Variants in CACNA1C observed in about 807,000 individuals in gnomAD.
The protein encoded by CACNA1C is calcium voltage-gated channel subunit alpha1 C, also known as voltage-dependent L-type calcium channel subunit alpha-1C.
In CACNA1C, 30 loss-of-function variants were observed where a neutral mutation model predicts 229.0. The observed-to-expected ratio is 0.13, with a 90% CI of 0.10 to 0.18. CACNA1C has a LOEUF of 0.18. CACNA1C is among the 10% of genes least tolerant of loss of function. The probability of loss-of-function intolerance (pLI) is 1.00; values close to 1 mark genes in which losing one functional copy is unlikely to be tolerated. For synonymous variants in CACNA1C, 1,114 were observed against 1,132.5 expected, an observed-to-expected ratio of 0.98 and a Z score of 0.33; for missense variants, 1,658 against 2,845.0, an observed-to-expected ratio of 0.58 and a Z score of 9.49.
intron 3 of CACNA1C, among the ~76,000 whole-genome samples, chr12:2,148,398 A>G (rs951256676): frequency 6.6e-5 from 10 of 151,380 alleles, no homozygotes; most frequent in African/African-American, 2.4e-4. Flanking sequence ...TGCTGCTCAC[A>G]TTTGTATATT....
intron 3 of CACNA1C, among the ~76,000 whole-genome samples, chr12:2,195,677 GAAA>G (rs893678091): frequency 1.3e-5 from 2 of 152,182 alleles, no homozygotes; most frequent in Non-Finnish European, 2.9e-5. Flanking sequence ...ACAGAATAGG[GAAA>G]TAATTTTAGA....
At chr12:2,470,961 A>G (rs1319330825) in intron 5 of CACNA1C, among the ~76,000 whole-genome samples, 1 of 151,946 alleles carries the variant, frequency 6.6e-6, no homozygotes, top group Non-Finnish European at 1.5e-5. Flanking sequence ...TCTTCCAAGT[A>G]GCTGGGATTA....
At chr12:2,395,699 T>C (rs1378432982) in intron 3 of CACNA1C, among the ~76,000 whole-genome samples, 1 of 152,146 alleles carries the variant, frequency 6.6e-6, no homozygotes, top group Non-Finnish European at 1.5e-5. Context: ...CTTTTTCCAG[T>C]CTGAGGCTTC....
At chr12:2,615,155 A>T (rs1050579234) in intron 29 of CACNA1C, among the ~76,000 whole-genome samples, 1 of 152,218 alleles carries the variant, frequency 6.6e-6, no homozygotes, top group Non-Finnish European at 1.5e-5. Flanking sequence ...TAGAAGTGAG[A>T]GGCCATGACC....
At chr12:2,091,684 C>T (rs1267939417) in intron 1 of CACNA1C, among the ~76,000 whole-genome samples, 1 of 152,216 alleles carries the variant, frequency 6.6e-6, no homozygotes. Flanking sequence ...GTAACTTATT[C>T]ACAAGTACCA....
chr12:2,558,239 C>T (rs765091051), intron 11 of CACNA1C, among the ~76,000 whole-genome samples: 2 of 152,194 alleles, frequency 1.3e-5, no homozygotes, highest in Admixed American at 6.5e-5. Flanking sequence ...CTAGAAGCCA[C>T]GCGAGCCCTC....
At chr12:2,445,681 C>T (rs1003103331) in intron 3 of CACNA1C, among the ~76,000 whole-genome samples, 6 of 152,152 alleles carry the variant, frequency 3.9e-5, no homozygotes, top group African/African-American at 1.4e-4. Flanking sequence ...TCACCACACC[C>T]CGCGACCCAT....
intron 3 of CACNA1C, among the ~76,000 whole-genome samples, chr12:2,350,191 C>T (rs117130573): frequency 0.01 from 1,591 of 152,306 alleles, 14 homozygotes; most frequent in Admixed American, 0.018. Context: ...AGAGACCCCA[C>T]CTCACCTCCA....
rs569800834 is a variant in CACNA1C, at chr12:2,529,373, T to G, written c.1390+16389T>G. 8.5e-5 allele frequency among the ~76,000 whole-genome samples: 13 copies of G among 152,374 alleles called. No homozygotes were observed. In the South Asian group the frequency reaches 2.7e-3, roughly 32 times the overall value. On this transcript the variant is annotated intron_variant, in intron 9 of 46. Transcript: ENST00000399655. ...CCCTGTCTGCTGTATTCATTGCATT[T>G]TATCTGTGGCATTCATCTATCTGAT...
chr12:2,661,560 C>T (rs990347237), intron 34 of CACNA1C, among the ~76,000 whole-genome samples: 1 of 152,022 alleles, frequency 6.6e-6, no homozygotes, highest in Non-Finnish European at 1.5e-5. Flanking sequence ...GTGAGGTCTA[C>T]CAGACTATCA....
At position 2,605,219 on chromosome 12, in the gene CACNA1C, G is replaced by A. The variant is rs1364035131; in HGVS notation, c.3048+51G>A. The A allele has an allele frequency of 8.5e-6, 11 of 1,291,712 alleles. No homozygotes were observed. Among genetic ancestry groups the A allele is most frequent in the Middle Eastern group, 1.8e-4 (1 of 5,420 alleles). The allele number at this position is 1,291,712 out of a possible 1,614,324, so 80.0% of individuals were successfully genotyped here. ...TCTCCAGCCAGCCCATTGGGGAGTG[G>A]GAGCTCCACAGAGGTGAGGGGTGGG... On this transcript the variant is annotated intron_variant, in intron 23 of 46. Coordinates refer to ENST00000399655, the MANE Select transcript of CACNA1C (RefSeq NM_000719.7). This position sits in a 1 kb window ranked among gnomAD's most constrained non-coding sequence, Gnocchi z 6.2.
intron 3 of CACNA1C, among the ~76,000 whole-genome samples, chr12:2,423,768 G>A (rs1008387758): frequency 4.6e-5 from 7 of 152,192 alleles, no homozygotes; most frequent in African/African-American, 1.7e-4. Context: ...CAGGTCAGAA[G>A]CAGCAGGCAA....
chr12:2,270,498 C>T (rs1232487660), intron 3 of CACNA1C, among the ~76,000 whole-genome samples: 1 of 152,220 alleles, frequency 6.6e-6, no homozygotes, highest in African/African-American at 2.4e-5. Context: ...AGGCAACCGT[C>T]TTGCTGAGTG....
intron 3 of CACNA1C, among the ~76,000 whole-genome samples, chr12:2,277,121 T>C (rs985152170): frequency 6.6e-6 from 1 of 152,102 alleles, no homozygotes; most frequent in Non-Finnish European, 1.5e-5. Context: ...AATATAACAC[T>C]CTCATATGTT....
intron 2 of CACNA1C, 133 bp downstream of exon 2, chr12:2,115,678 C>T: frequency 6.4e-6 from 5 of 778,986 alleles, no homozygotes; most frequent in Non-Finnish European, 1.0e-5. Flanking sequence ...ACTGCATCTG[C>T]ATCACTGGGG....
chr12:2,120,553 A>G (rs551395597), intron 3 of CACNA1C, 123 bp downstream of exon 3: 3 of 724,324 alleles, frequency 4.1e-6, no homozygotes, highest in African/African-American at 3.5e-5. Context: ...GGAGCCCTGC[A>G]GAGCTCACAT....
chr12:2,528,972 G>T (rs11615662), intron 9 of CACNA1C, among the ~76,000 whole-genome samples: 13,534 of 152,174 alleles, frequency 0.089, 1,124 homozygotes, highest in African/African-American at 0.22. Context: ...GCTTGAACTG[G>T]ACAAGAGCTG....
chr12:1,978,522 C>T (rs2035107422), intron 1 of CACNA1C, among the ~76,000 whole-genome samples: 1 of 152,148 alleles, frequency 6.6e-6, no homozygotes, highest in Admixed American at 6.5e-5. Context: ...ATTATTTCTA[C>T]TTTCTTACAT....
At chr12:2,106,488 C>T (rs1450900488) in intron 1 of CACNA1C, among the ~76,000 whole-genome samples, 11 of 98,486 alleles carry the variant, frequency 1.1e-4, no homozygotes, top group African/African-American at 2.8e-4. Flanking sequence ...GAGCCCACCC[C>T]GGGGAGGGTT....
Sources: gnomAD v4.1 joint callset for allele counts (sites outside exome capture counted in the v4.1 genomes callset) on GRCh38, gnomAD v4.1.1 for gene constraint, Gnocchi (gnomAD v3.1) non-coding constraint, MANE v1.5 for transcripts, NCBI Gene and HGNC (gene_info 2026-07-23, HGNC 2026-07-21) for gene names.